The following WDR19 variants were observed in gnomAD, a reference collection of about 807,000 sequenced individuals.
WDR19 encodes WD repeat domain 19.
A neutral mutation model predicts 180.0 loss-of-function variants in WDR19; 121 were observed. The observed-to-expected ratio is 0.67, with a 90% confidence interval of 0.58 to 0.78. The LOEUF is 0.78. Among genes scored for constraint, WDR19 ranks in the 30% least tolerant of loss-of-function variants. WDR19 has a pLI of 0.00. For synonymous variants in WDR19, 497 were observed against 540.7 expected (o/e 0.92, Z 1.12); for missense variants, 1,450 against 1,640.7 (o/e 0.88, Z 2.01).
In WDR19 at chr4:39,182,532, G is replaced by A. The variant is rs753966718; in HGVS notation, c.-26G>A. 1.5e-5 allele frequency: 24 copies of A among 1,613,690 alleles called. No homozygotes were observed. In the East Asian group the frequency reaches 4.5e-4, roughly 30 times the overall value. On this transcript the variant is annotated 5_prime_UTR_variant, in exon 1 of 37. Transcript: ENST00000399820. Reference sequence around the variant, plus strand: ...ACCGGGTGCGCCTGCGTACTTCATAGTTCGCGTAGCGGCTCGAGCGTGGAG... The same window carrying A: ...ACCGGGTGCGCCTGCGTACTTCATAATTCGCGTAGCGGCTCGAGCGTGGAG...
chr4:39,283,625 A>G (rs886501049), intron 36 of WDR19, among the ~76,000 whole-genome samples: 11 of 152,264 alleles, frequency 7.2e-5, no homozygotes, highest in African/African-American at 2.4e-4. Context: ...AAATATACAT[A>G]TGTACACATT....
intron 33 of WDR19, 34 bp from the exon 34 acceptor site, chr4:39,276,986 C>T (rs184290880): frequency 5.5e-5 from 89 of 1,610,410 alleles, no homozygotes; most frequent in Admixed American, 4.0e-4. Flanking sequence ...ATGAATAAAA[C>T]GGCATTTTTA....
At chr4:39,223,083 G>A (rs955581851) in intron 14 of WDR19, among the ~76,000 whole-genome samples, 2 of 152,132 alleles carry the variant, frequency 1.3e-5, no homozygotes, top group Non-Finnish European at 2.9e-5. Flanking sequence ...TCCATGGTAT[G>A]GATGTACTTA....
intron 4 of WDR19, among the ~76,000 whole-genome samples, chr4:39,190,585 A>G (rs145558803): frequency 5.6e-4 from 85 of 152,298 alleles, no homozygotes; most frequent in African/African-American, 1.9e-3. Flanking sequence ...AAGAGATCAT[A>G]TACACGCTAT....
rs1302135275 is a variant in WDR19 at position 39,251,834 on chromosome 4, C to T, written c.2730-1312C>T. Among the ~76,000 whole-genome samples, 10 of 152,060 alleles carry T rather than the reference C, an allele frequency of 6.6e-5. No homozygotes were observed. The East Asian group carries it at 1.4e-3, about 21-fold the overall frequency. On this transcript the variant is annotated intron_variant, in intron 24 of 36. Coordinates refer to ENST00000399820, the MANE Select transcript of WDR19 (RefSeq NM_025132.4). The stretch of plus-strand genomic sequence containing the variant: ...TACCATCTCACACCAGTTAGAATGG[C>T]GATCATTAAAAAGTCAGGAAACAAC...
At chr4:39,193,462 A>G in intron 4 of WDR19, among the ~76,000 whole-genome samples, 1 of 152,078 alleles carries the variant, frequency 6.6e-6, no homozygotes, top group Non-Finnish European at 1.5e-5. Context: ...CCAGCCTAAA[A>G]TTAATTTTTT....
intron 36 of WDR19, among the ~76,000 whole-genome samples, chr4:39,282,126 T>C (rs6531704): frequency 0.5 from 76,737 of 152,020 alleles, 20,758 homozygotes; most frequent in African/African-American, 0.71. Context: ...AATTCCTTCA[T>C]CTCTATCATA....
chr4:39,198,981 G>C (rs1183700358), intron 5 of WDR19, among the ~76,000 whole-genome samples: 1 of 150,166 alleles, frequency 6.7e-6, no homozygotes, highest in Non-Finnish European at 1.5e-5. Context: ...CTGGGCAAGA[G>C]AGTGAGACTC....
At chr4:39,268,894 C>T (rs187907139) in intron 30 of WDR19, among the ~76,000 whole-genome samples, 150 of 152,150 alleles carry the variant, frequency 9.9e-4, no homozygotes, top group African/African-American at 3.4e-3. Flanking sequence ...AAAATAAGAG[C>T]GACTGCTGGG....
chr4:39,208,370 G>A (rs1003315256), intron 9 of WDR19, among the ~76,000 whole-genome samples: 8 of 141,316 alleles, frequency 5.7e-5, no homozygotes, highest in Non-Finnish European at 1.1e-4. Context: ...GCAGTGGCAT[G>A]ATCTTGGCTC....
intron 10 of WDR19, among the ~76,000 whole-genome samples, chr4:39,215,305 C>G (rs1180142633): frequency 7.2e-6 from 1 of 138,400 alleles, no homozygotes; most frequent in African/African-American, 3.5e-5. Flanking sequence ...TTCTTTGTTT[C>G]TTTCTTTCTT....
In WDR19 at chr4:39,211,918, A is replaced by C. The variant is rs181343161; in HGVS notation, c.891-2683A>C. The stretch of plus-strand genomic sequence containing the variant: ...TGTAGGCATAGGCATGCTTGTTCTA[A>C]TATAGACAGACAGAGAGAGAGAGAG... On this transcript the variant is annotated intron_variant, in intron 9 of 36. Coordinates refer to ENST00000399820, the MANE Select transcript of WDR19 (RefSeq NM_025132.4). Among the ~76,000 whole-genome samples the C allele has an allele frequency of 2.0e-5, 3 of 149,700 alleles. No individual in the cohort carries two copies. The Admixed American group carries it at 2.0e-4, about 10-fold the overall frequency.
chr4:39,234,154 T>C (rs1731149993), intron 19 of WDR19, among the ~76,000 whole-genome samples: 1 of 152,170 alleles, frequency 6.6e-6, no homozygotes. Context: ...TGGCAGATAA[T>C]AACACTTGAA....
chr4:39,187,652 T>A (rs1362398353), intron 3 of WDR19, among the ~76,000 whole-genome samples: 1 of 152,212 alleles, frequency 6.6e-6, no homozygotes, highest in African/African-American at 2.4e-5. Flanking sequence ...GGTTTCTGTA[T>A]TCCTGGAAAC....
intron 28 of WDR19, among the ~76,000 whole-genome samples, chr4:39,265,130 G>C (rs918008585): frequency 2.6e-5 from 4 of 151,806 alleles, no homozygotes; most frequent in Non-Finnish European, 5.9e-5. Flanking sequence ...TGTTGGCCAG[G>C]CTGGTCTTGA....
chr4:39,245,047 C>A (rs1355876410), intron 23 of WDR19, among the ~76,000 whole-genome samples: 1 of 151,240 alleles, frequency 6.6e-6, no homozygotes, highest in East Asian at 1.9e-4. Flanking sequence ...AGCAATTCTC[C>A]TGCCTCAGCC....
chr4:39,241,388 G>C (rs1348491507), intron 21 of WDR19, among the ~76,000 whole-genome samples: 1 of 151,730 alleles, frequency 6.6e-6, no homozygotes, highest in African/African-American at 2.4e-5. Context: ...AGCTACTTGG[G>C]AGGCTGAGGT....
Position 39,216,209 on chromosome 4 carries a change from T to C in WDR19, c.1248T>C (p.Asn416=), listed in dbSNP as rs772867899. ...CTTGGTTTTATGTCCTTGGAGAAAA[T>C]GGCAAGTCTAAATCCAGTTGTTTAT... The part of the protein sequence containing the change: ...NRAWFYVLGE[N]AVKKLKDMEY... Residue 416 remains asparagine (N), a splice_region_variant and synonymous_variant, in exon 12 of 37, where the codon AAT becomes AAC. Coordinates refer to ENST00000399820, the MANE Select transcript of WDR19 (RefSeq NM_025132.4). The C allele has an allele frequency of 2.6e-5, 40 of 1,558,328 alleles. No individual in the cohort carries two copies. In the East Asian group the frequency reaches 5.6e-4, roughly 22 times the overall value.
intron 36 of WDR19, among the ~76,000 whole-genome samples, chr4:39,280,109 C>G (rs1736325038): frequency 9.5e-6 from 1 of 105,302 alleles, no homozygotes; most frequent in Admixed American, 1.2e-4. Context: ...GGGTTTTTTT[C>G]CCTTTTCTTG....
Sources: gnomAD v4.1 joint callset for allele counts (sites outside exome capture counted in the v4.1 genomes callset) on GRCh38, gnomAD v4.1.1 for gene constraint, MANE v1.5 for transcripts, NCBI Gene and HGNC (gene_info 2026-07-23, HGNC 2026-07-21) for gene names.